ATP6V0A2: variants seen among roughly 807,000 people sequenced by gnomAD.
ATP6V0A2 encodes V-type proton ATPase 116 kDa subunit a 2.
In ATP6V0A2, 58 loss-of-function variants were observed where a neutral mutation model predicts 104.4. The observed-to-expected ratio is 0.56, with a 90% CI of 0.45 to 0.69. The LOEUF is 0.69. Among genes scored for constraint, ATP6V0A2 ranks in the 30% least tolerant of loss-of-function variants. ATP6V0A2 has a pLI of 0.00. For synonymous variants in ATP6V0A2, 376 were observed against 397.9 expected (o/e 0.95, Z 0.65); for missense variants, 938 against 1,062.9 (o/e 0.88, Z 1.63).
At position 123,733,931 on chromosome 12, in the gene ATP6V0A2, A is replaced by C; in HGVS notation, c.654A>C (p.Glu218Asp). Residue 218 changes from glutamate to aspartate, a missense_variant, in exon 7 of 20, where the codon GAA becomes GAC. By Grantham distance (45) the Glu-to-Asp change is conservative. Coordinates refer to ENST00000330342, the MANE Select transcript of ATP6V0A2 (RefSeq NM_012463.4). ...TCCTTATTCATTCTTTGTAGGGGGA[A>C]GTCATAAAATGGTATGTCTTTTTAA... ...DESLEDPETG[E>D]VIKWYVFLIS... is the part of the protein sequence containing the mutation. The C allele has an allele frequency of 1.9e-6, 3 of 1,611,706 alleles. No homozygotes were observed. The highest frequency in any genetic ancestry group is 2.5e-6 in the Non-Finnish European group (3 of 1,177,830).
At chr12:123,734,694 C>T (rs1419172278) in intron 7 of ATP6V0A2, among the ~76,000 whole-genome samples, 2 of 152,208 alleles carry the variant, frequency 1.3e-5, no homozygotes, top group African/African-American at 4.8e-5. Flanking sequence ...AACTCCTTTG[C>T]TTTCTTCCCC....
chr12:123,757,094 T>A, intron 19 of ATP6V0A2, 108 bp downstream of exon 19: 1 of 1,209,508 alleles, frequency 8.3e-7, no homozygotes, highest in East Asian at 2.4e-5. Context: ...AATGCTGAAT[T>A]TAGGCCAGTT....
Position 123,754,438 on chromosome 12 carries a change from T to C in ATP6V0A2, c.2194T>C (p.Leu732=), listed in dbSNP as rs1956744245. 6.2e-7 allele frequency: 1 copy of C among 1,613,016 alleles called. No individual in the cohort carries two copies. The highest frequency in any genetic ancestry group is 1.7e-5 in the Admixed American group (1 of 59,986). Residue 732 remains leucine (L), a synonymous_variant, in exon 18 of 20, where the codon TTA becomes CTA. Coordinates refer to ENST00000330342, the MANE Select transcript of ATP6V0A2 (RefSeq NM_012463.4). ...CTCTCAGTTTAATTTTGGAGAAATA[T>C]TAATGACCCAAGTAATCCATTCCAT... The part of the protein sequence containing the change: ...ACEEFNFGEI[L]MTQVIHSIEY...
chr12:123,741,879 G>A (rs2135906905), intron 9 of ATP6V0A2, among the ~76,000 whole-genome samples: 1 of 152,306 alleles, frequency 6.6e-6, no homozygotes, highest in Non-Finnish European at 1.5e-5. Flanking sequence ...GGCAGGTTCA[G>A]GATAGCGATC....
At chr12:123,729,664 A>G (rs1362672475) in intron 6 of ATP6V0A2, among the ~76,000 whole-genome samples, 1 of 152,184 alleles carries the variant, frequency 6.6e-6, no homozygotes, top group Non-Finnish European at 1.5e-5. Context: ...CTGCTGATCT[A>G]CTAAAGGTGG....
At chr12:123,719,989 T>G (rs936916147) in intron 2 of ATP6V0A2, among the ~76,000 whole-genome samples, 50 of 152,228 alleles carry the variant, frequency 3.3e-4, no homozygotes, top group African/African-American at 1.1e-3. Flanking sequence ...CAGGGCTGCC[T>G]CCTCTGTCGT....
chr12:123,754,333 G>A (rs1302789958), intron 17 of ATP6V0A2, 87 bp from the exon 18 acceptor site: 7 of 1,035,656 alleles, frequency 6.8e-6, no homozygotes, highest in Admixed American at 1.7e-5. Flanking sequence ...CTCTTTCATT[G>A]TAATCCTTGA....
Position 123,757,927 on chromosome 12 carries a change from G to A in ATP6V0A2, c.2466G>A (p.Trp822Ter), listed in dbSNP as rs759639949. 1 of 1,555,690 alleles carries A rather than the reference G, an allele frequency of 6.4e-7. No homozygotes were observed. Among genetic ancestry groups the A allele is most frequent in the Non-Finnish European group, 8.7e-7 (1 of 1,147,300 alleles). Reference sequence around the variant, plus strand: ...AATACATGGCTTTTTTTTTTTTTAGGGTAGAATTTCAGAACAAATTCTACG... The same window carrying A: ...AATACATGGCTTTTTTTTTTTTTAGAGTAGAATTTCAGAACAAATTCTACG... Reference protein sequence around the residue: ...SAFLHAIRLHWVEFQNKFYVG... With the variant: ...SAFLHAIRLH Residue 822 changes from tryptophan to a stop codon, truncating the protein, a stop_gained and splice_region_variant, in exon 20 of 20, where the codon TGG (tryptophan) becomes TGA (stop). Coordinates refer to ENST00000330342, the MANE Select transcript of ATP6V0A2 (RefSeq NM_012463.4). LOFTEE classifies it high-confidence loss of function.
rs539626636 is a variant in ATP6V0A2, at chr12:123,758,050, A to G, written c.*18A>G. On this transcript the variant is annotated 3_prime_UTR_variant, in exon 20 of 20. Transcript: ENST00000330342. ...TGGCATGATCATATTGCTGTAACCAACAAGCTTTCAGATTTATGGAGAATG... is the reference window on the plus strand; with the variant it reads ...TGGCATGATCATATTGCTGTAACCAGCAAGCTTTCAGATTTATGGAGAATG... 2.6e-6 allele frequency: 4 copies of G among 1,511,178 alleles called. No homozygotes were observed. In the Admixed American group the frequency reaches 6.7e-5, roughly 25 times the overall value. The allele number at this position is 1,511,178 out of a possible 1,614,324, so 93.6% of individuals were successfully genotyped here. A position where few individuals can be genotyped will look rare whatever the true frequency, so the allele number is the denominator to read the frequency against.
At position 123,724,709 on chromosome 12, in the gene ATP6V0A2, A is replaced by G; in HGVS notation, c.350A>G (p.Lys117Arg). The change falls in exon 4 of 20, where the codon AAA (lysine) becomes AGA (arginine). Residue 117 changes from lysine (K) to arginine (R), a missense_variant. By Grantham distance (26) the Lys-to-Arg change is conservative. Transcript: ENST00000330342. ...AGAGAAGTCACTAAGAACAAGGAGA[A>G]ACTGAGGAAAAACTTGCTGGAACTG... ...ELREVTKNKEKLRKNLLELIE... is the reference protein window; with the variant it reads ...ELREVTKNKERLRKNLLELIE... 1 of 1,613,900 alleles carries G rather than the reference A, an allele frequency of 6.2e-7. No homozygotes were observed. The highest frequency in any genetic ancestry group is 1.6e-4 in the Middle Eastern group (1 of 6,062).
chr12:123,757,775 A>G, intron 19 of ATP6V0A2, 152 bp from the exon 20 acceptor site: 1 of 611,002 alleles, frequency 1.6e-6, no homozygotes, highest in Non-Finnish European at 2.8e-6. Flanking sequence ...GGTGCGGGGC[A>G]GTGTTTAGCT....
intron 13 of ATP6V0A2, among the ~76,000 whole-genome samples, chr12:123,746,325 A>C (rs1956661739): frequency 6.6e-6 from 1 of 152,032 alleles, no homozygotes; most frequent in Admixed American, 6.5e-5. Context: ...TACATATAAA[A>C]TACGTATTTT....
chr12:123,758,793 A>G lies in ATP6V0A2; in HGVS notation c.*761A>G, dbSNP rs937121187. On this transcript the variant is annotated 3_prime_UTR_variant, in exon 20 of 20. Coordinates refer to ENST00000330342, the MANE Select transcript of ATP6V0A2 (RefSeq NM_012463.4). ...TGCCTCGGCCTCCCTAAGTGCTGGG[A>G]TTACAGGCGTGAGCCACCATGCCTG... 2 of 152,188 alleles carry G rather than the reference A, an allele frequency of 1.3e-5. No individual in the cohort carries two copies. Among genetic ancestry groups the G allele is most frequent in the African/African-American group, 4.8e-5 (2 of 41,432 alleles). 9.4% of individuals were successfully genotyped at this position (152,188 alleles called of 1,614,324 possible).
At chr12:123,754,776 GCCC>G in intron 18 of ATP6V0A2, 1 of 530,442 alleles carries the variant, frequency 1.9e-6, no homozygotes, top group Non-Finnish European at 3.4e-6. Context: ...TTCAGAGCCT[GCCC>G]AATTTAAAAA....
intron 13 of ATP6V0A2, among the ~76,000 whole-genome samples, chr12:123,745,914 G>C (rs994698063): frequency 6.6e-6 from 1 of 152,136 alleles, no homozygotes; most frequent in Non-Finnish European, 1.5e-5. Context: ...GTGTACAGTC[G>C]TTAAACTGAG....
intron 6 of ATP6V0A2, chr12:123,733,722 C>T (rs1956525660): frequency 3.5e-6 from 2 of 576,104 alleles, no homozygotes; most frequent in Non-Finnish European, 6.2e-6. Context: ...TTTGGCTGCT[C>T]TGCACATGAC....
At chr12:123,739,539 C>T (rs528789131) in intron 9 of ATP6V0A2, among the ~76,000 whole-genome samples, 1 of 152,170 alleles carries the variant, frequency 6.6e-6, no homozygotes, top group Non-Finnish European at 1.5e-5. Context: ...TGCAGAACTC[C>T]TAACAGGCTG....
intron 3 of ATP6V0A2, chr12:123,723,767 T>G (rs918774357): frequency 6.6e-6 from 1 of 152,170 alleles, no homozygotes; most frequent in Non-Finnish European, 1.5e-5. Context: ...CCAATTGTCA[T>G]GAATTTTTAT....
At chr12:123,741,460 G>T (rs1390447374) in intron 9 of ATP6V0A2, among the ~76,000 whole-genome samples, 1 of 151,974 alleles carries the variant, frequency 6.6e-6, no homozygotes, top group Non-Finnish European at 1.5e-5. Context: ...TTTTAGACAA[G>T]GTCTCACTCT....
Sources: allele counts gnomAD v4.1 joint callset (sites outside exome capture counted in the v4.1 genomes callset), GRCh38; gene constraint gnomAD v4.1.1; transcripts MANE v1.5; gene names NCBI Gene and HGNC (gene_info 2026-07-23, HGNC 2026-07-21).